OSBPL9: variants seen among roughly 807,000 people sequenced by gnomAD.
OSBPL9 encodes oxysterol binding protein like 9, also known as oxysterol-binding protein-related protein 9.
A neutral mutation model predicts 106.6 loss-of-function variants in OSBPL9; 40 were observed. The observed-to-expected ratio is 0.38, with a 90% CI of 0.29 to 0.49. The LOEUF (loss-of-function observed/expected upper bound fraction) is 0.49, where lower values mean the gene tolerates loss of function less well. Among genes scored for constraint, OSBPL9 ranks in the 20% least tolerant of loss-of-function variants. The pLI is 0.97. For synonymous variants in OSBPL9, 269 were observed against 295.4 expected, an observed-to-expected ratio of 0.91 and a Z score of 0.92; for missense variants, 609 against 887.2, an observed-to-expected ratio of 0.69 and a Z score of 3.98.
At chr1:51,779,607 A>G (rs1351620009) in intron 15 of OSBPL9, among the ~76,000 whole-genome samples, 2 of 152,172 alleles carry the variant, frequency 1.3e-5, no homozygotes, top group African/African-American at 2.4e-5. Flanking sequence ...CAGACAACCC[A>G]GAGAGTAGGA....
chr1:51,731,451 T>TCAAAG (rs1352042536), intron 4 of OSBPL9, among the ~76,000 whole-genome samples: 8 of 151,654 alleles, frequency 5.3e-5, no homozygotes, highest in African/African-American at 1.9e-4. Flanking sequence ...AGACTCTGTC[T>TCAAAG]CAAAGCAAAA....
At chr1:51,746,648 A>C in intron 5 of OSBPL9, 62 bp from the exon 6 acceptor site, 1 of 1,156,292 alleles carries the variant, frequency 8.6e-7, no homozygotes, top group Non-Finnish European at 1.3e-6. Flanking sequence ...TTCTGTGTTT[A>C]GTGAATGTAC....
intron 1 of OSBPL9, among the ~76,000 whole-genome samples, chr1:51,595,663 A>G (rs12045433): frequency 0.057 from 8,694 of 152,242 alleles, 333 homozygotes; most frequent in East Asian, 0.12. Context: ...TGTACAATCA[A>G]TGTTATTTAC....
chr1:51,656,503 C>T (rs1194164006), intron 2 of OSBPL9, among the ~76,000 whole-genome samples: 1 of 152,060 alleles, frequency 6.6e-6, no homozygotes, highest in Non-Finnish European at 1.5e-5. Context: ...GGAAGTTCTG[C>T]ACCCCCTATC....
intron 2 of OSBPL9, among the ~76,000 whole-genome samples, chr1:51,608,466 T>TA (rs1318881077): frequency 5.2e-4 from 78 of 150,952 alleles, no homozygotes; most frequent in Non-Finnish European, 1.0e-3. Context: ...CTAATTTTTT[T>TA]TTTTTTTATT....
At chr1:51,607,574 C>G (rs1643957975) in intron 2 of OSBPL9, among the ~76,000 whole-genome samples, 1 of 152,142 alleles carries the variant, frequency 6.6e-6, no homozygotes, top group Middle Eastern at 3.2e-3. Context: ...TTCCATCCTC[C>G]CAGCTCTCTT....
chr1:51,685,413 C>CTTT lies in OSBPL9; in HGVS notation c.241+15911_241+15913dup, dbSNP rs201739183. 1.5e-3 allele frequency among the ~76,000 whole-genome samples: 217 copies of CTTT among 146,634 alleles called. 1 individual carries two copies. Among genetic ancestry groups the CTTT allele is most frequent in the African/African-American group, 5.3e-3 (212 of 40,270 alleles). On this transcript the variant is annotated intron_variant, in intron 3 of 23. Transcript: ENST00000428468. ...AAATGCTTACTTCTACCATGATAAT[C>CTTT]TTTTTTTTTTTTGAGATGGCATCTC...
intron 9 of OSBPL9, 157 bp downstream of exon 9, chr1:51,756,515 C>A: frequency 1.5e-6 from 1 of 653,450 alleles, no homozygotes; most frequent in South Asian, 2.0e-5. Flanking sequence ...TCCCTTCTTT[C>A]AGCAATCATT....
At chr1:51,621,721 T>C (rs1644450889) in intron 1 of OSBPL9, among the ~76,000 whole-genome samples, 1 of 152,176 alleles carries the variant, frequency 6.6e-6, no homozygotes, top group Non-Finnish European at 1.5e-5. Flanking sequence ...TTTTAATCTC[T>C]AGTTCTCCCT....
chr1:51,569,595 A>C, the OSBPL9 span: 1 of 152,320 alleles, frequency 6.6e-6, no homozygotes, highest in East Asian at 1.9e-4. Context: ...CTCCTGGTTC[A>C]GGGTGGCAGG....
At chr1:51,608,680 G>A (rs550824188) in intron 2 of OSBPL9, among the ~76,000 whole-genome samples, 17 of 151,364 alleles carry the variant, frequency 1.1e-4, no homozygotes, top group Non-Finnish European at 1.6e-4. Context: ...CCTGGATTGG[G>A]GGGGGGGGCT....
intron 8 of OSBPL9, among the ~76,000 whole-genome samples, chr1:51,751,183 G>C (rs1441208871): frequency 6.6e-6 from 1 of 152,110 alleles, no homozygotes; most frequent in African/African-American, 2.4e-5. Flanking sequence ...TGCCTCCTGG[G>C]TGCAACTGAT....
intron 1 of OSBPL9, among the ~76,000 whole-genome samples, chr1:51,625,993 T>G (rs1415742746): frequency 6.6e-6 from 1 of 152,278 alleles, no homozygotes; most frequent in African/African-American, 2.4e-5. Context: ...TGTCTATTTC[T>G]TGGAGTTTTG....
chr1:51,787,827 A>G lies in OSBPL9; in HGVS notation c.*38A>G. On this transcript the variant is annotated 3_prime_UTR_variant, in exon 24 of 24. Transcript: ENST00000428468. Reference sequence around the variant, plus strand: ...AAAGTTTATACCTGATGATCAGGGCAGTAGGCATAATTCAGCAACAAACAA... The same window carrying G: ...AAAGTTTATACCTGATGATCAGGGCGGTAGGCATAATTCAGCAACAAACAA... The G allele has an allele frequency of 6.5e-7, 1 of 1,527,694 alleles. No individual in the cohort carries two copies. Among genetic ancestry groups the G allele is most frequent in the Non-Finnish European group, 9.1e-7 (1 of 1,103,184 alleles). The allele number at this position is 1,527,694 out of a possible 1,614,324, so 94.6% of individuals were successfully genotyped here.
At chr1:51,639,937 G>T (rs1370207132) in intron 1 of OSBPL9, among the ~76,000 whole-genome samples, 1 of 147,218 alleles carries the variant, frequency 6.8e-6, no homozygotes, top group Non-Finnish European at 1.5e-5. Flanking sequence ...CAATCCTCCT[G>T]CCTCAGCCCT....
chr1:51,535,591 T>C, the OSBPL9 span, among the ~76,000 whole-genome samples: 3 of 152,144 alleles, frequency 2.0e-5, no homozygotes, highest in African/African-American at 7.2e-5. Flanking sequence ...ATAATCTCAC[T>C]CTGTCGCCCA....
At chr1:51,734,835 C>A (rs187067551) in intron 4 of OSBPL9, among the ~76,000 whole-genome samples, 2 of 152,150 alleles carry the variant, frequency 1.3e-5, no homozygotes, top group African/African-American at 2.4e-5. Flanking sequence ...CCTTTCCCCC[C>A]CAAACCCTAG....
At position 51,750,042 on chromosome 1, in the gene OSBPL9, C is replaced by A. The variant is rs1668914534; in HGVS notation, c.493-103C>A. On this transcript the variant is annotated intron_variant, in intron 7 of 23. Coordinates refer to ENST00000428468, the MANE Select transcript of OSBPL9 (RefSeq NM_024586.6). ...GAGGATATTTCTTGTGTAGTATAGA[C>A]TTAAACTCTATACATCTGAACTGAT... 3 of 759,856 alleles carry A rather than the reference C, an allele frequency of 3.9e-6. No individual in the cohort carries two copies. The East Asian group carries it at 8.5e-5, about 22-fold the overall frequency. The allele number at this position is 759,856 out of a possible 1,614,324, so 47.1% of individuals were successfully genotyped here.
At chr1:51,736,707 G>A (rs1174447024) in intron 4 of OSBPL9, among the ~76,000 whole-genome samples, 1 of 152,034 alleles carries the variant, frequency 6.6e-6, no homozygotes, top group African/African-American at 2.4e-5. Context: ...ACTCATTTTT[G>A]ATGGATCCTT....
Sources: allele counts gnomAD v4.1 joint callset (sites outside exome capture counted in the v4.1 genomes callset), GRCh38; gene constraint gnomAD v4.1.1; transcripts MANE v1.5; gene names NCBI Gene and HGNC (gene_info 2026-07-23, HGNC 2026-07-21).